Variants in NRXN1 observed in about 807,000 individuals in gnomAD.
The protein encoded by NRXN1 is neurexin 1, also known as neurexin-1.
Under a neutral mutation model 150.9 loss-of-function variants are expected in NRXN1, and 39 were observed. The observed-to-expected ratio is 0.26, with a 90% CI of 0.20 to 0.34. The LOEUF (loss-of-function observed/expected upper bound fraction) is 0.34. Among genes scored for constraint, NRXN1 ranks in the 10% least tolerant of loss-of-function variants. NRXN1 has a pLI of 1.00. For missense variants in NRXN1, 1,815 were observed against 1,949.9 expected (o/e 0.93, Z 1.30); for synonymous variants, 924 against 757.0 (o/e 1.22, Z -3.62).
At chr2:50,022,883 A>G (rs979153120) in intron 21 of NRXN1, 1 of 152,222 alleles carries the variant, frequency 6.6e-6, no homozygotes, top group Non-Finnish European at 1.5e-5. Flanking sequence ...TATCTTATAT[A>G]GTAGGTAAAA....
At chr2:50,161,905 T>C (rs1023315697) in intron 18 of NRXN1, among the ~76,000 whole-genome samples, 20 of 152,132 alleles carry the variant, frequency 1.3e-4, no homozygotes, top group Admixed American at 8.5e-4. Context: ...TTTGGAATTT[T>C]CTTTTGCAAA....
intron 5 of NRXN1, among the ~76,000 whole-genome samples, chr2:50,746,265 G>A (rs923591935): frequency 1.3e-5 from 2 of 152,018 alleles, no homozygotes; most frequent in African/African-American, 2.4e-5. Context: ...CTGTATCAAT[G>A]AAAAGATGAG....
At chr2:50,218,143 A>G (rs1329019327) in intron 18 of NRXN1, among the ~76,000 whole-genome samples, 3 of 152,080 alleles carry the variant, frequency 2.0e-5, no homozygotes, top group African/African-American at 7.2e-5. Flanking sequence ...TTGTCTTTAC[A>G]TCATTTTATT....
intron 17 of NRXN1, among the ~76,000 whole-genome samples, chr2:50,312,577 A>C (rs2075268608): frequency 1.3e-5 from 2 of 152,048 alleles, no homozygotes; most frequent in African/African-American, 4.8e-5. Flanking sequence ...TATTCTATTA[A>C]GTGTACTTCC....
intron 5 of NRXN1, among the ~76,000 whole-genome samples, chr2:50,897,299 T>G (rs1406709447): frequency 6.6e-6 from 1 of 152,206 alleles, no homozygotes. Flanking sequence ...GAGAAACCGC[T>G]CAATAAATTG....
At chr2:50,321,072 C>T (rs1317386072) in intron 17 of NRXN1, among the ~76,000 whole-genome samples, 1 of 152,140 alleles carries the variant, frequency 6.6e-6, no homozygotes, top group African/African-American at 2.4e-5. Context: ...AAAATCATCA[C>T]CGTCTACAGC....
intron 5 of NRXN1, among the ~76,000 whole-genome samples, chr2:50,729,614 C>T (rs1032528430): frequency 6.6e-6 from 1 of 152,112 alleles, no homozygotes; most frequent in African/African-American, 2.4e-5. Flanking sequence ...CAGTGCTTTC[C>T]AGCTGTCCTC....
intron 5 of NRXN1, among the ~76,000 whole-genome samples, chr2:50,763,639 G>T (rs543125011): frequency 7.2e-4 from 110 of 151,976 alleles, no homozygotes; most frequent in Admixed American, 2.7e-3. Context: ...GAAGGTGAAA[G>T]GAAGATGGTC....
chr2:50,351,809 T>C (rs2078431893), intron 17 of NRXN1, among the ~76,000 whole-genome samples: 1 of 152,182 alleles, frequency 6.6e-6, no homozygotes, highest in Non-Finnish European at 1.5e-5. Context: ...GGTGCTGTCG[T>C]TGAAATACTG....
At chr2:50,612,442 TCA>T (rs995561733) in intron 8 of NRXN1, among the ~76,000 whole-genome samples, 5 of 152,218 alleles carry the variant, frequency 3.3e-5, no homozygotes, top group African/African-American at 1.2e-4. Flanking sequence ...TCAAATTATT[TCA>T]CACAGTTTCA....
At chr2:50,701,233 A>G (rs1376839193) in intron 5 of NRXN1, among the ~76,000 whole-genome samples, 4 of 152,086 alleles carry the variant, frequency 2.6e-5, no homozygotes, top group Admixed American at 2.0e-4. Flanking sequence ...CAATCTCATC[A>G]TCTCTGTCTC....
intron 13 of NRXN1, among the ~76,000 whole-genome samples, chr2:50,498,342 TA>T (rs2091761388): frequency 6.6e-6 from 1 of 152,242 alleles, no homozygotes; most frequent in Non-Finnish European, 1.5e-5. Flanking sequence ...GCTAGTCTTC[TA>T]AATACATTAG....
chr2:50,779,740 C>T (rs540044106), intron 5 of NRXN1, among the ~76,000 whole-genome samples: 1 of 151,704 alleles, frequency 6.6e-6, no homozygotes, highest in African/African-American at 2.4e-5. Context: ...TGCACTCCAG[C>T]CTGGGTGACA....
At chr2:50,190,061 T>A (rs2061352077) in intron 18 of NRXN1, among the ~76,000 whole-genome samples, 1 of 152,144 alleles carries the variant, frequency 6.6e-6, no homozygotes, top group Non-Finnish European at 1.5e-5. Flanking sequence ...ACAATGGACA[T>A]TTTAACTTCA....
At chr2:50,595,572 CTA>C (rs1675057569) in intron 8 of NRXN1, among the ~76,000 whole-genome samples, 1 of 152,122 alleles carries the variant, frequency 6.6e-6, no homozygotes, top group Admixed American at 6.5e-5. Context: ...GCATTTGAGG[CTA>C]TGAGTGTGGC....
At chr2:50,445,955 T>A (rs536022055) in intron 17 of NRXN1, among the ~76,000 whole-genome samples, 3 of 152,172 alleles carry the variant, frequency 2.0e-5, no homozygotes, top group Non-Finnish European at 4.4e-5. Flanking sequence ...AATTTCTTTA[T>A]CTTTTTAAAT....
chr2:50,173,796 T>G, intron 18 of NRXN1, among the ~76,000 whole-genome samples: 1 of 152,290 alleles, frequency 6.6e-6, no homozygotes, highest in South Asian at 2.1e-4. Context: ...GTTGATATAT[T>G]AAATTAATGT....
chr2:50,635,952 G>A (rs1683179420), intron 5 of NRXN1, among the ~76,000 whole-genome samples: 1 of 152,038 alleles, frequency 6.6e-6, no homozygotes, highest in Non-Finnish European at 1.5e-5. Flanking sequence ...AACATATGGT[G>A]GACAATCAAT....
chr2:50,368,521 A>AT (rs1215491126), intron 17 of NRXN1, among the ~76,000 whole-genome samples: 1 of 151,854 alleles, frequency 6.6e-6, no homozygotes, highest in Non-Finnish European at 1.5e-5. Context: ...AGTAATAATC[A>AT]TTTTTCTGAA....
Sources: gnomAD v4.1 joint callset for allele counts (sites outside exome capture counted in the v4.1 genomes callset) on GRCh38, gnomAD v4.1.1 for gene constraint, MANE v1.5 for transcripts, NCBI Gene and HGNC (gene_info 2026-07-23, HGNC 2026-07-21) for gene names.